The following PDE1A variants were observed in gnomAD, a reference collection of about 807,000 sequenced individuals.
The protein encoded by PDE1A is dual specificity calcium/calmodulin-dependent 3',5'-cyclic nucleotide phosphodiesterase 1A.
PDE1A carries 35 observed loss-of-function variants against 61.7 expected under a neutral mutation model. The observed-to-expected ratio is 0.57, with a 90% CI of 0.43 to 0.75. The LOEUF (loss-of-function observed/expected upper bound fraction) is 0.75. PDE1A is among the 30% of genes least tolerant of loss of function. The pLI, the probability that PDE1A is intolerant of heterozygous loss-of-function variation, is 0.00. For missense variants in PDE1A, 597 were observed against 630.6 expected (o/e 0.95, Z 0.57); for synonymous variants, 232 against 213.2 (o/e 1.09, Z -0.77).
chr2:182,575,718 T>TAG, the PDE1A span, among the ~76,000 whole-genome samples: 3 of 145,626 alleles, frequency 2.1e-5, no homozygotes, highest in African/African-American at 7.5e-5. Flanking sequence ...TATCTATATA[T>TAG]ATATAGATAT....
At chr2:182,690,051 C>A in the PDE1A span, among the ~76,000 whole-genome samples, 2 of 151,884 alleles carry the variant, frequency 1.3e-5, no homozygotes, top group African/African-American at 4.8e-5. Context: ...GCTTACCAAC[C>A]AAAAAAAGTC....
chr2:182,410,321 C>A lies in PDE1A; in HGVS notation c.53+16257G>T, dbSNP rs147418340. The stretch of plus-strand genomic sequence containing the variant: ...AGTCAAGGTTGTAATGAGTCATGAC[C>A]ATGCTGCTGCACCCCAGCCTGGGTA... On this transcript the variant is annotated intron_variant, in intron 1 of 13. Coordinates refer to ENST00000351439, the Ensembl canonical transcript of PDE1A. Among the ~76,000 whole-genome samples, 5 of 152,190 alleles carry A rather than the reference C, an allele frequency of 3.3e-5. No homozygotes were observed. The East Asian group carries it at 9.6e-4, about 29-fold the overall frequency.
chr2:182,428,634 A>C (rs533929647), upstream of PDE1A, among the ~76,000 whole-genome samples: 8 of 152,220 alleles, frequency 5.3e-5, no homozygotes, highest in African/African-American at 1.9e-4. Flanking sequence ...TATTATTACC[A>C]TATGCTTTGG....
chr2:182,222,877 A>G (rs1385434872), intron 7 of PDE1A, among the ~76,000 whole-genome samples: 2 of 151,946 alleles, frequency 1.3e-5, no homozygotes, highest in Non-Finnish European at 2.9e-5. Flanking sequence ...CACACATGTA[A>G]AGTAAGTTGG....
At chr2:182,618,879 C>G in the PDE1A span, among the ~76,000 whole-genome samples, 1 of 152,168 alleles carries the variant, frequency 6.6e-6, no homozygotes, top group South Asian at 2.1e-4. Flanking sequence ...AGAAGACAAC[C>G]TCAAAGAAAG....
At chr2:182,494,145 T>G (rs752372686) in intron 2 of PDE1A, among the ~76,000 whole-genome samples, 4 of 152,218 alleles carry the variant, frequency 2.6e-5, no homozygotes, top group Non-Finnish European at 5.9e-5. Context: ...CTGAGTCATT[T>G]ATTATAATTT....
At chr2:182,517,610 A>G (rs2125981458) in intron 2 of PDE1A, among the ~76,000 whole-genome samples, 1 of 152,354 alleles carries the variant, frequency 6.6e-6, no homozygotes, top group East Asian at 1.9e-4. Context: ...TGTTACGAGA[A>G]GAGAAATACA....
intron 1 of PDE1A, among the ~76,000 whole-genome samples, chr2:182,267,275 T>A: frequency 6.6e-6 from 1 of 152,144 alleles, no homozygotes; most frequent in East Asian, 1.9e-4. Context: ...TTATGAATTA[T>A]GTCTTGATAA....
chr2:182,412,984 G>A (rs912623261), intron 1 of PDE1A, among the ~76,000 whole-genome samples: 2 of 152,142 alleles, frequency 1.3e-5, no homozygotes, highest in Non-Finnish European at 2.9e-5. Context: ...ATTTGAATTA[G>A]GACTTGAAGC....
the PDE1A span, among the ~76,000 whole-genome samples, chr2:182,651,691 C>T: frequency 6.6e-6 from 1 of 152,208 alleles, no homozygotes; most frequent in Non-Finnish European, 1.5e-5. Context: ...GTTAATCTAA[C>T]ATTTGAGGCT....
Position 182,484,738 on chromosome 2 carries a change from A to G in PDE1A, c.101+37538T>C, listed in dbSNP as rs187308806. Among the ~76,000 whole-genome samples, 10 of 152,216 alleles carry G rather than the reference A, an allele frequency of 6.6e-5. No individual in the cohort carries two copies. In the East Asian group the frequency reaches 1.4e-3, roughly 21 times the overall value. Reference sequence around the variant, plus strand: ...AAATACTTTTCAAAAGAAGACATACATGCAGCCAACAAGCATGTGAAAAAA... The same window carrying G: ...AAATACTTTTCAAAAGAAGACATACGTGCAGCCAACAAGCATGTGAAAAAA... On this transcript the variant is annotated intron_variant, in intron 2 of 14. Transcript: ENST00000410103.
chr2:182,203,767 C>T (rs1686868136), intron 8 of PDE1A, among the ~76,000 whole-genome samples: 1 of 151,780 alleles, frequency 6.6e-6, no homozygotes, highest in Admixed American at 6.6e-5. Flanking sequence ...ACTAAAAGTA[C>T]TTTAAGAAAT....
chr2:182,246,407 T>TC (rs1475212159), intron 2 of PDE1A, among the ~76,000 whole-genome samples: 4 of 141,156 alleles, frequency 2.8e-5, no homozygotes, highest in Admixed American at 1.4e-4. Context: ...TTTTCTTTCT[T>TC]TTTTTTTTTT....
chr2:182,713,908 A>T, the PDE1A span, among the ~76,000 whole-genome samples: 3 of 152,292 alleles, frequency 2.0e-5, no homozygotes, highest in East Asian at 5.8e-4. Flanking sequence ...TCTTTAGTCT[A>T]CTACAATCTA....
chr2:182,678,988 T>A, the PDE1A span, among the ~76,000 whole-genome samples: 1 of 148,652 alleles, frequency 6.7e-6, no homozygotes, highest in Non-Finnish European at 1.5e-5. Context: ...ATGCTAATTA[T>A]CCTCACTTTG....
chr2:182,424,565 G>A (rs1409724068), intron 1 of PDE1A, among the ~76,000 whole-genome samples: 1 of 152,120 alleles, frequency 6.6e-6, no homozygotes, highest in African/African-American at 2.4e-5. Context: ...GGAGGCTGAC[G>A]AAGAAAACGA....
At chr2:182,399,491 G>T (rs1701883486) in intron 1 of PDE1A, among the ~76,000 whole-genome samples, 1 of 151,844 alleles carries the variant, frequency 6.6e-6, no homozygotes, top group Non-Finnish European at 1.5e-5. Context: ...TTTTAAAATG[G>T]TATACATTAG....
intron 1 of PDE1A, among the ~76,000 whole-genome samples, chr2:182,349,987 A>T (rs1180389820): frequency 6.6e-6 from 1 of 152,124 alleles, no homozygotes. Context: ...TTCTAGATTA[A>T]CACTGGCTCC....
intron 1 of PDE1A, among the ~76,000 whole-genome samples, chr2:182,266,769 C>T (rs550273306): frequency 3.9e-5 from 6 of 152,170 alleles, no homozygotes; most frequent in East Asian, 3.9e-4. Context: ...TGGAATGCAG[C>T]GGAACTCTCT....
Sources: gnomAD v4.1 joint callset for allele counts (sites outside exome capture counted in the v4.1 genomes callset) on GRCh38, gnomAD v4.1.1 for gene constraint, MANE v1.5 for transcripts, NCBI Gene and HGNC (gene_info 2026-07-23, HGNC 2026-07-21) for gene names.